The following HEXA variants were observed in gnomAD, a reference collection of about 807,000 sequenced individuals.
The protein encoded by HEXA is beta-hexosaminidase subunit alpha.
In HEXA, 54 loss-of-function variants were observed where a neutral mutation model predicts 73.3. That is an observed-to-expected ratio of 0.74 (90% CI 0.59 to 0.92). The LOEUF is 0.92. Ranked by LOEUF, HEXA falls within the 40% of genes least tolerant of loss-of-function variation. HEXA has a pLI of 0.00. For synonymous variants in HEXA, 230 were observed against 246.9 expected, an observed-to-expected ratio of 0.93 and a Z score of 0.64; for missense variants, 649 against 653.0, an observed-to-expected ratio of 0.99 and a Z score of 0.07.
At chr15:72,349,318 C>G in intron 7 of HEXA, 59 bp from the exon 8 acceptor site, 2 of 1,332,866 alleles carry the variant, frequency 1.5e-6, no homozygotes, top group Non-Finnish European at 2.2e-6. Flanking sequence ...CACGCACAGT[C>G]CTACACGTAA....
Position 72,341,006 on chromosome 15 carries a change from T to C in HEXA, c.*3071A>G, listed in dbSNP as rs1208578891. ...AAACAAAGCACCCAATTCCTACTTA[T>C]TTTTTTTCTTCGTGGAAAAAAAAGT... On this transcript the variant is annotated 3_prime_UTR_variant, in exon 14 of 14. Transcript: ENST00000268097. 3 of 151,962 alleles carry C rather than the reference T, an allele frequency of 2.0e-5. No homozygotes were observed. Among genetic ancestry groups the C allele is most frequent in the African/African-American group, 7.3e-5 (3 of 41,372 alleles). The allele number at this position is 151,962 out of a possible 1,614,324, so 9.4% of individuals were successfully genotyped here. A position where few individuals can be genotyped will look rare whatever the true frequency, so the allele number is the denominator to read the frequency against.
At position 72,343,866 on chromosome 15, in the gene HEXA, T is replaced by C; in HGVS notation, c.*211A>G. 1.9e-6 allele frequency: 1 copy of C among 522,078 alleles called. No homozygotes were observed. The highest frequency in any genetic ancestry group is 3.5e-6 in the Non-Finnish European group (1 of 286,530). 32.3% of individuals were successfully genotyped at this position (522,078 alleles called of 1,614,324 possible). On this transcript the variant is annotated 3_prime_UTR_variant, in exon 14 of 14. Transcript: ENST00000268097. The stretch of plus-strand genomic sequence containing the variant: ...CTAACGCCATTCACACTTTTTTTTT[T>C]AAACACAGGTAATCCATGTTTATTA...
intron 1 of HEXA, chr15:72,357,773 C>T (rs1283870145): frequency 1.3e-5 from 2 of 152,174 alleles, no homozygotes; most frequent in Non-Finnish European, 2.9e-5. Context: ...CGGAAGCCTG[C>T]TCAGACCTCT....
In HEXA at chr15:72,346,640, A is replaced by C; in HGVS notation, c.1217T>G (p.Leu406Arg). 3 of 1,614,072 alleles carry C rather than the reference A, an allele frequency of 1.9e-6. No homozygotes were observed. Among genetic ancestry groups the C allele is most frequent in the Non-Finnish European group, 2.5e-6 (3 of 1,179,966 alleles). ...GGCCCGGAAGCCGGCCTTGGTGACC[A>C]GTTCCAGCTCCTTCATATAGTTCAC... The part of the protein sequence containing the change: ...IPVNYMKELE[L>R]VTKAGFRALL... The change falls in exon 11 of 14, where the codon CTG (leucine) becomes CGG (arginine). Residue 406 changes from leucine (L) to arginine (R), a missense_variant. Physicochemically the swap from Leu to Arg is moderately radical, Grantham distance 102. Coordinates refer to ENST00000268097, the MANE Select transcript of HEXA (RefSeq NM_000520.6).
intron 2 of HEXA, among the ~76,000 whole-genome samples, chr15:72,356,236 A>G (rs1389836881): frequency 6.6e-6 from 1 of 152,240 alleles, no homozygotes; most frequent in East Asian, 1.9e-4. Context: ...AGAGAAAAGT[A>G]GCAAAGTATA....
chr15:72,347,743 G>A lies in HEXA; in HGVS notation c.1089C>T (p.Val363=). ...CCACATAGCCCTTGCCATAAGAAGA[G>A]ACGATGTCCAGCAGCCTGGAGAGGA... ...SFYIQTLLDI[V]SSYGKGYVVW... The change falls in exon 10 of 14, where the codon GTC becomes GTT. Residue 363 remains valine, a synonymous_variant. Coordinates refer to ENST00000268097, the MANE Select transcript of HEXA (RefSeq NM_000520.6). The A allele has an allele frequency of 6.2e-7, 1 of 1,614,192 alleles. No individual in the cohort carries two copies. The highest frequency in any genetic ancestry group is 8.5e-7 in the Non-Finnish European group (1 of 1,180,012).
intron 13 of HEXA, among the ~76,000 whole-genome samples, chr15:72,344,957 C>T (rs558708162): frequency 1.7e-4 from 26 of 152,308 alleles, no homozygotes; most frequent in Non-Finnish European, 2.8e-4. Context: ...GTGTCTATCT[C>T]TAAAATGCAC....
chr15:72,343,623 C>A lies in HEXA; in HGVS notation c.*454G>T. The A allele has an allele frequency of 4.6e-6, 1 of 218,250 alleles. No individual in the cohort carries two copies. The highest frequency in any genetic ancestry group is 9.4e-6 in the Non-Finnish European group (1 of 106,720). 13.5% of individuals were successfully genotyped at this position (218,250 alleles called of 1,614,324 possible). A position where few individuals can be genotyped will look rare whatever the true frequency, so the allele number is the denominator to read the frequency against. ...CCAGAACACCTCCAAGCCCCTACAT[C>A]TTTTTCCATATACCAACGCCTTGGA... On this transcript the variant is annotated 3_prime_UTR_variant, in exon 14 of 14. Coordinates refer to ENST00000268097, the MANE Select transcript of HEXA (RefSeq NM_000520.6).
At chr15:72,365,707 T>A (rs142440542) in intron 1 of HEXA, among the ~76,000 whole-genome samples, 1 of 152,222 alleles carries the variant, frequency 6.6e-6, no homozygotes, top group Non-Finnish European at 1.5e-5. Context: ...TTTTTCCCAA[T>A]TGGATAACCA....
At chr15:72,370,697 T>TAAAAGAAAAAAAG (rs2088978702) in intron 1 of HEXA, 1 of 285,458 alleles carries the variant, frequency 3.5e-6, no homozygotes, top group Admixed American at 5.6e-5. Flanking sequence ...ACCTGTTTCT[T>TAAAAGAAAAAAAG]AAAAAAAAAA....
At chr15:72,372,895 G>A (rs1157205899) in intron 1 of HEXA, among the ~76,000 whole-genome samples, 1 of 152,246 alleles carries the variant, frequency 6.6e-6, no homozygotes, top group African/African-American at 2.4e-5. Context: ...GACTTTGGTA[G>A]GCCAAAGCAG....
chr15:72,363,276 A>C (rs970902413), intron 1 of HEXA, among the ~76,000 whole-genome samples: 1 of 152,238 alleles, frequency 6.6e-6, no homozygotes, highest in Admixed American at 6.5e-5. Flanking sequence ...GCCCTTGAGG[A>C]GATCACAGTC....
intron 1 of HEXA, 143 bp downstream of exon 1, chr15:72,375,577 T>C (rs1179283202): frequency 1.2e-5 from 10 of 851,208 alleles, no homozygotes; most frequent in Non-Finnish European, 1.9e-5. Flanking sequence ...GATGAAAACC[T>C]AATGCAGCTC....
intron 1 of HEXA, chr15:72,359,513 G>C (rs531444687): frequency 1.3e-5 from 2 of 151,434 alleles, no homozygotes; most frequent in African/African-American, 2.4e-5. Context: ...TGGCCAACAC[G>C]GTGAGACCCT....
At chr15:72,351,659 A>G in intron 5 of HEXA, 2 of 256,214 alleles carry the variant, frequency 7.8e-6, no homozygotes, top group South Asian at 5.0e-5. Flanking sequence ...CTCTTAACTC[A>G]TAATCTCAGA....
Position 72,353,087 on chromosome 15 carries a change from G to C in HEXA, c.551C>G (p.Ser184Cys). 1.2e-6 allele frequency: 2 copies of C among 1,611,272 alleles called. No homozygotes were observed. The highest frequency in any genetic ancestry group is 2.2e-5 in the East Asian group (1 of 44,884). The change falls in exon 5 of 14, where the codon TCT becomes TGT. Residue 184 changes from serine (S) to cysteine (C), a missense_variant. Physicochemically the swap from Ser to Cys is moderately radical, Grantham distance 112 (BLOSUM62 -1). Transcript: ENST00000268097. ...LDTSRHYLPLSSILDTLDVMA... is the reference protein window; with the variant it reads ...LDTSRHYLPLCSILDTLDVMA... The stretch of plus-strand genomic sequence containing the variant: ...GGTTACCAGAGTGTCCAGGATGCTA[G>C]AGAGTGGCAGGTAATGGCGAGATGT...
intron 1 of HEXA, among the ~76,000 whole-genome samples, chr15:72,373,236 A>G (rs2089016370): frequency 6.6e-6 from 1 of 152,264 alleles, no homozygotes; most frequent in Non-Finnish European, 1.5e-5. Context: ...TTTAACCTGC[A>G]TATGTTGCCT....
chr15:72,363,742 T>C (rs1054084001), intron 1 of HEXA, among the ~76,000 whole-genome samples: 1 of 152,162 alleles, frequency 6.6e-6, no homozygotes, highest in Non-Finnish European at 1.5e-5. Flanking sequence ...CCCATATTTT[T>C]TGGGTAAAAG....
At chr15:72,367,828 A>AC (rs1249007065) in intron 1 of HEXA, among the ~76,000 whole-genome samples, 1 of 151,864 alleles carries the variant, frequency 6.6e-6, no homozygotes, top group Non-Finnish European at 1.5e-5. Flanking sequence ...TACTATCTTC[A>AC]CCCCCACTAA....
Sources: gnomAD v4.1 joint callset for allele counts (sites outside exome capture counted in the v4.1 genomes callset) on GRCh38, gnomAD v4.1.1 for gene constraint, MANE v1.5 for transcripts, NCBI Gene and HGNC (gene_info 2026-07-23, HGNC 2026-07-21) for gene names.